NFATC2: variants seen among roughly 807,000 people sequenced by gnomAD.
NFATC2 encodes the protein nuclear factor of activated T-cells, cytoplasmic 2.
A neutral mutation model predicts 87.3 loss-of-function variants in NFATC2; 22 were observed. That is an observed-to-expected ratio of 0.25 (90% confidence interval 0.18 to 0.36). The LOEUF is 0.36. NFATC2 is among the 10% of genes least tolerant of loss of function. NFATC2 has a pLI of 1.00. For synonymous variants in NFATC2, 565 were observed against 542.2 expected (o/e 1.04, Z -0.58); for missense variants, 1,149 against 1,259.1 (o/e 0.91, Z 1.32).
intron 9 of NFATC2, among the ~76,000 whole-genome samples, chr20:51,424,839 G>A (rs1053107297): frequency 2.0e-5 from 3 of 149,132 alleles, no homozygotes; most frequent in Non-Finnish European, 3.0e-5. Context: ...GCATATGCTC[G>A]GGATTACATT....
In NFATC2 at chr20:51,480,142, G is replaced by T. The variant is rs1289336062; in HGVS notation, c.1333-4482C>A. Among the ~76,000 whole-genome samples, 2 of 152,046 alleles carry T rather than the reference G, an allele frequency of 1.3e-5. No homozygotes were observed. Among genetic ancestry groups the T allele is most frequent in the Non-Finnish European group, 2.9e-5 (2 of 68,020 alleles). On this transcript the variant is annotated intron_variant, in intron 3 of 10. Transcript: ENST00000371564. The surrounding 1 kb of genome is among the most constrained non-coding windows in gnomAD (Gnocchi z 4.2). The stretch of plus-strand genomic sequence containing the variant: ...GTCTCTGTGAAAAATACAAAAATTA[G>T]CCAGGTATGGTGGCACGTGCCTGTA...
At chr20:51,406,020 G>T (rs532144806) in intron 9 of NFATC2, among the ~76,000 whole-genome samples, 3 of 152,252 alleles carry the variant, frequency 2.0e-5, no homozygotes, top group South Asian at 2.1e-4. Flanking sequence ...CAGGTGATCC[G>T]CTGGCCTTGG....
chr20:51,510,493 G>C (rs1481924693), intron 3 of NFATC2, among the ~76,000 whole-genome samples: 1 of 152,230 alleles, frequency 6.6e-6, no homozygotes. Flanking sequence ...CTTTTGAGAT[G>C]AATCAAGTGG....
chr20:51,530,887 A>G (rs2076622406), intron 1 of NFATC2, among the ~76,000 whole-genome samples: 1 of 152,172 alleles, frequency 6.6e-6, no homozygotes, highest in Non-Finnish European at 1.5e-5. Flanking sequence ...AAGTCTATCT[A>G]TGGATTCACT....
At chr20:51,423,991 A>T (rs1161613906) in intron 9 of NFATC2, among the ~76,000 whole-genome samples, 1 of 152,212 alleles carries the variant, frequency 6.6e-6, no homozygotes, top group Non-Finnish European at 1.5e-5. Context: ...AGTCCACATC[A>T]TTCGGGATGA....
Position 51,393,845 on chromosome 20 carries a change from C to T in NFATC2, c.*45-2394G>A, listed in dbSNP as rs554842306. ...TAAAATTAGCTGGTAGGCAGAGACG[C>T]TGGCACCAAGGCCCTCTCGAAGGGC... On this transcript the variant is annotated intron_variant, in intron 10 of 10. Coordinates refer to ENST00000371564, the MANE Select transcript of NFATC2 (RefSeq NM_012340.5). Among the ~76,000 whole-genome samples, 6 of 152,318 alleles carry T rather than the reference C, an allele frequency of 3.9e-5. No homozygotes were observed. The South Asian group carries it at 1.0e-3, about 26-fold the overall frequency.
intron 1 of NFATC2, among the ~76,000 whole-genome samples, chr20:51,532,581 G>T (rs1424474402): frequency 6.6e-6 from 1 of 152,192 alleles, no homozygotes; most frequent in Non-Finnish European, 1.5e-5. Flanking sequence ...GCCACACAGT[G>T]GTCCCCGCCA....
intron 1 of NFATC2, among the ~76,000 whole-genome samples, chr20:51,549,095 C>G (rs6013210): frequency 0.092 from 13,983 of 152,066 alleles, 783 homozygotes; most frequent in Middle Eastern, 0.16. Context: ...GAGTCTGAGA[C>G]GGCAATGTGT....
At position 51,542,474 on chromosome 20, in the gene NFATC2, T is replaced by G; in HGVS notation, c.26A>C (p.Gln9Pro). 2 of 1,561,884 alleles carry G rather than the reference T, an allele frequency of 1.3e-6. No individual in the cohort carries two copies. The change falls in exon 1 of 11, where the codon CAA becomes CCA. Residue 9 changes from glutamine to proline, a missense_variant. By Grantham distance (76) the Gln-to-Pro change is moderately conservative. Coordinates refer to ENST00000371564, the MANE Select transcript of NFATC2 (RefSeq NM_012340.5). The stretch of plus-strand genomic sequence containing the variant: ...GCCTGGGGCGTCCCCGCCGTCGGGT[T>G]GGGGCTGCCGCTCGGGGGCGTTCAT... MNAPERQP[Q>P]PDGGDAPGHE...
intron 3 of NFATC2, among the ~76,000 whole-genome samples, chr20:51,478,509 C>T (rs892093307): frequency 6.6e-6 from 1 of 152,184 alleles, no homozygotes; most frequent in Non-Finnish European, 1.5e-5. Context: ...CGTGTCCCTA[C>T]AGCTCCATGT....
Position 51,526,490 on chromosome 20 carries a change from G to A in NFATC2, c.131-2380C>T, listed in dbSNP as rs2076548138. Reference sequence around the variant, plus strand: ...GTCAGTGTTGGGCCCGTGTCACTGTGGCCCAGCATTGTCTGCCAAGCACCT... The same window carrying A: ...GTCAGTGTTGGGCCCGTGTCACTGTAGCCCAGCATTGTCTGCCAAGCACCT... On this transcript the variant is annotated intron_variant, in intron 1 of 10. Coordinates refer to ENST00000371564, the MANE Select transcript of NFATC2 (RefSeq NM_012340.5). Among the ~76,000 whole-genome samples the A allele has an allele frequency of 2.6e-5, 4 of 152,254 alleles. No homozygotes were observed. The South Asian group carries it at 8.3e-4, about 32-fold the overall frequency.
intron 3 of NFATC2, among the ~76,000 whole-genome samples, chr20:51,484,685 C>T (rs1358325965): frequency 6.6e-6 from 1 of 152,266 alleles, no homozygotes; most frequent in Non-Finnish European, 1.5e-5. Context: ...TCCCGGCCCA[C>T]AGCGACCATT....
intron 5 of NFATC2, among the ~76,000 whole-genome samples, chr20:51,460,707 A>C (rs1987058965): frequency 1.3e-5 from 2 of 151,546 alleles, no homozygotes; most frequent in East Asian, 3.9e-4. Flanking sequence ...ACCTGAGCTC[A>C]GGCGATCCGC....
intron 3 of NFATC2, among the ~76,000 whole-genome samples, chr20:51,488,180 C>T (rs561290726): frequency 3.9e-5 from 6 of 152,162 alleles, no homozygotes; most frequent in Non-Finnish European, 8.8e-5. Context: ...CAGCAAAGTG[C>T]CTCTCAGGAA....
chr20:51,545,290 T>C (rs1050906844), upstream of NFATC2, among the ~76,000 whole-genome samples: 4 of 152,230 alleles, frequency 2.6e-5, no homozygotes, highest in African/African-American at 9.6e-5. Flanking sequence ...CCCAGAATAA[T>C]TCCTCCCTTC....
chr20:51,502,914 A>G (rs1000878011), intron 3 of NFATC2, among the ~76,000 whole-genome samples: 3 of 152,338 alleles, frequency 2.0e-5, no homozygotes, highest in African/African-American at 7.2e-5. Context: ...AAGAGGATCA[A>G]TTCAGCTTCA....
chr20:51,392,172 A>T (rs939178773), intron 10 of NFATC2, among the ~76,000 whole-genome samples: 2 of 152,224 alleles, frequency 1.3e-5, no homozygotes, highest in African/African-American at 4.8e-5. Context: ...CTTGATCCAT[A>T]AAACTTACGG....
chr20:51,475,566 A>G lies in NFATC2; in HGVS notation c.1427T>C (p.Val476Ala). 6.2e-7 allele frequency: 1 copy of G among 1,614,088 alleles called. No individual in the cohort carries two copies. Residue 476 changes from valine to alanine, a missense_variant, in exon 4 of 11, where the codon GTG becomes GCG. By Grantham distance (64) the Val-to-Ala change is moderately conservative. Around this residue, in one of 3 missense-constraint regions of NFATC2, gnomAD observed 581 missense variants for 649.7 expected, o/e 0.89. Transcript: ENST00000371564. ...RILKPHAFYQ[V>A]HRITGKTVTT... ...GACAGTTTTCCCCGTGATTCGGTGC[A>G]CCTGGTAGAAGGCGTGCGGCTTAAG... is the stretch of plus-strand genomic sequence containing the variant.
chr20:51,439,372 A>C (rs1352013270), intron 6 of NFATC2, among the ~76,000 whole-genome samples: 1 of 152,238 alleles, frequency 6.6e-6, no homozygotes, highest in Non-Finnish European at 1.5e-5. Flanking sequence ...TCACACAGCC[A>C]GACCCTGTGG....
Sources: gnomAD v4.1 joint callset for allele counts (sites outside exome capture counted in the v4.1 genomes callset) on GRCh38, gnomAD v4.1.1 for gene constraint, gnomAD v4.1.1 regional missense constraint, Gnocchi (gnomAD v3.1) non-coding constraint, MANE v1.5 for transcripts, NCBI Gene and HGNC (gene_info 2026-07-23, HGNC 2026-07-21) for gene names.